The following GRM8 variants were observed in gnomAD, a reference collection of about 807,000 sequenced individuals.
The protein encoded by GRM8 is metabotropic glutamate receptor 8.
GRM8 carries 47 observed loss-of-function variants against 87.2 expected under a neutral mutation model. The ratio of observed to expected loss-of-function variants is 0.54; its 90% CI spans 0.43 to 0.69. The LOEUF is 0.69. GRM8 is among the 30% of genes least tolerant of loss of function. GRM8 has a pLI of 0.00. For missense variants in GRM8, 1,019 were observed against 1,139.2 expected (o/e 0.89, Z 1.52); for synonymous variants, 396 against 404.5 (o/e 0.98, Z 0.25).
intron 7 of GRM8, among the ~76,000 whole-genome samples, chr7:126,668,182 C>T (rs1288484917): frequency 6.6e-6 from 1 of 152,036 alleles, no homozygotes; most frequent in Non-Finnish European, 1.5e-5. Context: ...TGTGAGAGTC[C>T]CTGTTTACCC....
chr7:126,540,015 A>G (rs1816352165), intron 8 of GRM8, among the ~76,000 whole-genome samples: 1 of 152,090 alleles, frequency 6.6e-6, no homozygotes, highest in South Asian at 2.1e-4. Context: ...AAGACAACCC[A>G]CAGGATAGGC....
intron 7 of GRM8, among the ~76,000 whole-genome samples, chr7:126,672,348 T>C (rs572236776): frequency 6.6e-5 from 10 of 152,286 alleles, no homozygotes; most frequent in African/African-American, 2.4e-4. Context: ...ACTGTGGGTA[T>C]CTGCTAGGAA....
chr7:126,763,431 T>C (rs555060086), intron 7 of GRM8, among the ~76,000 whole-genome samples: 13 of 134,734 alleles, frequency 9.6e-5, no homozygotes, highest in Admixed American at 1.6e-4. Context: ...ACCATTATCA[T>C]ATGATAAATT....
At chr7:127,064,548 C>CT (rs1820923320) in intron 3 of GRM8, among the ~76,000 whole-genome samples, 1 of 152,162 alleles carries the variant, frequency 6.6e-6, no homozygotes, top group East Asian at 1.9e-4. Flanking sequence ...AGACAGCATA[C>CT]CATTGGATCT....
chr7:127,098,527 T>C (rs1353267259), intron 3 of GRM8, among the ~76,000 whole-genome samples: 2 of 152,170 alleles, frequency 1.3e-5, no homozygotes, highest in Non-Finnish European at 2.9e-5. Flanking sequence ...TGAACACGTT[T>C]CAATTGTACA....
intron 3 of GRM8, among the ~76,000 whole-genome samples, chr7:126,961,754 A>G (rs1278637352): frequency 6.6e-6 from 1 of 152,202 alleles, no homozygotes; most frequent in Non-Finnish European, 1.5e-5. Context: ...GCCTCGTGGG[A>G]GGAGAGAGAG....
chr7:126,552,781 C>A (rs1390747232), intron 8 of GRM8, among the ~76,000 whole-genome samples: 2 of 152,014 alleles, frequency 1.3e-5, no homozygotes, highest in African/African-American at 2.4e-5. Context: ...TTTCCAGTTT[C>A]CAATGATAAA....
chr7:126,894,401 T>C (rs887850621), intron 6 of GRM8, among the ~76,000 whole-genome samples: 6 of 152,096 alleles, frequency 3.9e-5, no homozygotes, highest in Non-Finnish European at 8.8e-5. Flanking sequence ...GATACATTCA[T>C]CTTCCAATCA....
chr7:127,014,584 G>A (rs1308228654), intron 3 of GRM8, among the ~76,000 whole-genome samples: 5 of 152,018 alleles, frequency 3.3e-5, no homozygotes, highest in African/African-American at 1.2e-4. Context: ...CGGTTGTGCA[G>A]ATTAAACAGA....
chr7:126,750,405 T>A (rs1816285011), intron 7 of GRM8, among the ~76,000 whole-genome samples: 1 of 152,108 alleles, frequency 6.6e-6, no homozygotes, highest in African/African-American at 2.4e-5. Context: ...GTTACACCAC[T>A]GCATATATTT....
intron 2 of GRM8, among the ~76,000 whole-genome samples, chr7:127,241,217 G>A (rs1452897322): frequency 6.6e-6 from 1 of 152,160 alleles, no homozygotes; most frequent in Non-Finnish European, 1.5e-5. Flanking sequence ...GCCACTCAAG[G>A]GGGTGTTACA....
At chr7:126,857,587 C>A (rs1797796629) in intron 6 of GRM8, among the ~76,000 whole-genome samples, 2 of 152,226 alleles carry the variant, frequency 1.3e-5, no homozygotes, top group Non-Finnish European at 2.9e-5. Context: ...TATGCTTTCT[C>A]TTGGAGCAAC....
chr7:126,897,820 A>G (rs1801690148), intron 6 of GRM8, among the ~76,000 whole-genome samples: 1 of 152,174 alleles, frequency 6.6e-6, no homozygotes, highest in Non-Finnish European at 1.5e-5. Context: ...AGTTAGCAGT[A>G]ATATCACATC....
intron 3 of GRM8, among the ~76,000 whole-genome samples, chr7:126,929,590 T>C (rs1205454658): frequency 6.6e-6 from 1 of 152,054 alleles, no homozygotes; most frequent in Non-Finnish European, 1.5e-5. Context: ...CAGGCCACTA[T>C]GCCTGGCTAA....
chr7:127,107,268 G>C (rs1353984357), intron 2 of GRM8, among the ~76,000 whole-genome samples: 1 of 152,106 alleles, frequency 6.6e-6, no homozygotes, highest in Non-Finnish European at 1.5e-5. Flanking sequence ...GATATAATCA[G>C]AGTGCCACAA....
intron 2 of GRM8, chr7:127,229,249 C>T (rs1219942513): frequency 2.0e-5 from 3 of 152,144 alleles, no homozygotes. Flanking sequence ...ACCCTTGGCC[C>T]CAAACAATCC....
At chr7:126,777,951 T>A (rs1206392112) in intron 6 of GRM8, among the ~76,000 whole-genome samples, 1 of 152,154 alleles carries the variant, frequency 6.6e-6, no homozygotes, top group Non-Finnish European at 1.5e-5. Flanking sequence ...TAAAGTATTT[T>A]AGTCTTGGAA....
intron 2 of GRM8, among the ~76,000 whole-genome samples, chr7:127,149,040 A>G (rs1225754198): frequency 1.3e-5 from 2 of 152,012 alleles, no homozygotes; most frequent in African/African-American, 4.8e-5. Context: ...TGGATATCAC[A>G]TGAAAAGGTC....
At chr7:126,500,071 T>C (rs905697513) in intron 9 of GRM8, among the ~76,000 whole-genome samples, 1 of 151,902 alleles carries the variant, frequency 6.6e-6, no homozygotes, top group Non-Finnish European at 1.5e-5. Flanking sequence ...TTCTTTATGA[T>C]GAAGACATTT....
Sources: gnomAD v4.1 joint callset for allele counts (sites outside exome capture counted in the v4.1 genomes callset) on GRCh38, gnomAD v4.1.1 for gene constraint, MANE v1.5 for transcripts, NCBI Gene and HGNC (gene_info 2026-07-23, HGNC 2026-07-21) for gene names.